The following AGBL4 variants were observed in gnomAD, a reference collection of about 807,000 sequenced individuals.
The protein encoded by AGBL4 is cytosolic carboxypeptidase 6.
AGBL4 carries 58 observed loss-of-function variants against 66.4 expected under a neutral mutation model. That is an observed-to-expected ratio of 0.87 (90% CI 0.71 to 1.09). The LOEUF (loss-of-function observed/expected upper bound fraction) is 1.09. AGBL4 is among the 50% of genes least tolerant of loss of function. AGBL4 has a pLI of 0.00. For missense variants in AGBL4, 579 were observed against 631.0 expected (o/e 0.92, Z 0.88); for synonymous variants, 234 against 222.9 (o/e 1.05, Z -0.44).
intron 3 of AGBL4, among the ~76,000 whole-genome samples, chr1:49,421,748 T>C (rs548515005): frequency 2.0e-5 from 3 of 152,326 alleles, no homozygotes; most frequent in East Asian, 1.9e-4. Flanking sequence ...TGGAAACTTA[T>C]GGTACTTTCC....
chr1:49,865,132 G>A (rs372610663), intron 1 of AGBL4, among the ~76,000 whole-genome samples: 1 of 152,134 alleles, frequency 6.6e-6, no homozygotes, highest in South Asian at 2.1e-4. Context: ...ACTAAGGAGA[G>A]GGGCAACCAC....
intron 4 of AGBL4, among the ~76,000 whole-genome samples, chr1:49,151,894 A>T (rs1646343212): frequency 1.3e-5 from 2 of 152,176 alleles, no homozygotes; most frequent in Admixed American, 6.5e-5. Context: ...ATTTTTGGAA[A>T]TGCTGGGTTT....
chr1:49,251,382 T>C (rs1170323140), intron 3 of AGBL4, among the ~76,000 whole-genome samples: 2 of 152,148 alleles, frequency 1.3e-5, no homozygotes, highest in East Asian at 3.9e-4. Context: ...TCATAGCCAT[T>C]GCAAATGGAG....
At chr1:48,995,014 A>G (rs1181410733) in intron 5 of AGBL4, among the ~76,000 whole-genome samples, 4 of 152,184 alleles carry the variant, frequency 2.6e-5, no homozygotes, top group Admixed American at 2.6e-4. Flanking sequence ...CAAATCACGA[A>G]ATTTGTTTAT....
Position 48,761,341 on chromosome 1 carries a change from A to G in AGBL4, c.635-98100T>C, listed in dbSNP as rs1370286371. 3 of 1,548,556 alleles carry G rather than the reference A, an allele frequency of 1.9e-6. No individual in the cohort carries two copies. The highest frequency in any genetic ancestry group is 2.6e-6 in the Non-Finnish European group (3 of 1,145,952). On this transcript the variant is annotated intron_variant, in intron 6 of 13. Coordinates refer to ENST00000371839, the MANE Select transcript of AGBL4 (RefSeq NM_032785.4). ...AGAAAGGAAAGATTTTGTTACCTTG[A>G]TGTGTCTAAGCTGTAAATCTTCTTC...
At chr1:49,235,510 A>T (rs1650656043) in intron 4 of AGBL4, among the ~76,000 whole-genome samples, 1 of 152,250 alleles carries the variant, frequency 6.6e-6, no homozygotes, top group Admixed American at 6.5e-5. Flanking sequence ...CCTGCAAATC[A>T]GTCCCATGAG....
At position 49,011,699 on chromosome 1, in the gene AGBL4, C is replaced by T. The variant is rs2149007249; in HGVS notation, c.594+33885G>A. On this transcript the variant is annotated intron_variant, in intron 5 of 13. Transcript: ENST00000371839. ...ATGTACACCATCGAATCCTATGCAG[C>T]CATAAAAAGTGATGAGTTCATGTCC... Among the ~76,000 whole-genome samples the T allele has an allele frequency of 1.3e-5, 2 of 152,118 alleles. 1 individual carries two copies. The highest frequency in any genetic ancestry group is 4.2e-4 in the South Asian group (2 of 4,808).
At chr1:49,724,567 A>G (rs888540271) in intron 2 of AGBL4, among the ~76,000 whole-genome samples, 2 of 152,126 alleles carry the variant, frequency 1.3e-5, no homozygotes, top group Non-Finnish European at 2.9e-5. Flanking sequence ...TTATGGATAA[A>G]AGTATTCCAT....
intron 3 of AGBL4, among the ~76,000 whole-genome samples, chr1:49,583,790 G>A (rs937346376): frequency 2.0e-5 from 3 of 152,102 alleles, no homozygotes; most frequent in African/African-American, 7.2e-5. Context: ...CTCAGTAAAC[G>A]TCCTCTGTCA....
chr1:49,556,618 A>C (rs1057219726), intron 3 of AGBL4, among the ~76,000 whole-genome samples: 4 of 152,072 alleles, frequency 2.6e-5, no homozygotes, highest in Admixed American at 2.6e-4. Context: ...CTAAGTCACC[A>C]CCCGACTCAG....
chr1:49,955,102 GT>G (rs1656485449), intron 1 of AGBL4, among the ~76,000 whole-genome samples: 1 of 151,840 alleles, frequency 6.6e-6, no homozygotes, highest in South Asian at 2.1e-4. Context: ...CCCAACTGCA[GT>G]TGTGACTCGC....
At chr1:49,094,385 C>CT (rs139581633) in intron 4 of AGBL4, among the ~76,000 whole-genome samples, 1,577 of 152,142 alleles carry the variant, frequency 0.01, 23 homozygotes, top group African/African-American at 0.036. Context: ...CACAAGGGTT[C>CT]TTTTAAGAGT....
At chr1:50,015,624 G>A (rs576926037) in intron 1 of AGBL4, among the ~76,000 whole-genome samples, 3 of 152,018 alleles carry the variant, frequency 2.0e-5, no homozygotes, top group Non-Finnish European at 4.4e-5. Flanking sequence ...CTACAGTATT[G>A]CAGCCTGAAT....
At chr1:48,705,090 C>T (rs184945929) in intron 6 of AGBL4, among the ~76,000 whole-genome samples, 69 of 152,260 alleles carry the variant, frequency 4.5e-4, no homozygotes, top group Non-Finnish European at 8.8e-4. Flanking sequence ...TACACACAGT[C>T]CATCTTTGAC....
At chr1:49,301,952 G>A (rs1346529897) in intron 3 of AGBL4, among the ~76,000 whole-genome samples, 2 of 152,174 alleles carry the variant, frequency 1.3e-5, no homozygotes, top group East Asian at 1.9e-4. Flanking sequence ...TGGATTTGAG[G>A]AAATATCTCC....
At chr1:48,981,296 G>A (rs1422713095) in intron 5 of AGBL4, among the ~76,000 whole-genome samples, 1 of 152,078 alleles carries the variant, frequency 6.6e-6, no homozygotes, top group Non-Finnish European at 1.5e-5. Context: ...ACATGATAGG[G>A]AATATTTGTC....
At chr1:49,406,094 T>C (rs758713241) in intron 3 of AGBL4, among the ~76,000 whole-genome samples, 11 of 152,222 alleles carry the variant, frequency 7.2e-5, no homozygotes, top group Non-Finnish European at 1.2e-4. Flanking sequence ...AGTGCAACTT[T>C]CCAAGAGGGA....
At chr1:49,638,080 A>G (rs529001725) in intron 3 of AGBL4, among the ~76,000 whole-genome samples, 1 of 152,284 alleles carries the variant, frequency 6.6e-6, no homozygotes, top group South Asian at 2.1e-4. Flanking sequence ...CTTAGTTTAA[A>G]TTGGTTATTG....
intron 1 of AGBL4, among the ~76,000 whole-genome samples, chr1:49,880,955 G>C (rs536150259): frequency 1.2e-4 from 19 of 152,010 alleles, no homozygotes; most frequent in East Asian, 5.8e-4. Flanking sequence ...TCTTTGACTC[G>C]GAAAGGGAAC....
Sources: gnomAD v4.1 joint callset for allele counts (sites outside exome capture counted in the v4.1 genomes callset) on GRCh38, gnomAD v4.1.1 for gene constraint, MANE v1.5 for transcripts, NCBI Gene and HGNC (gene_info 2026-07-23, HGNC 2026-07-21) for gene names.